Variants in SDK1 observed in about 807,000 individuals in gnomAD.
SDK1 encodes protein sidekick-1.
Under a neutral mutation model 245.5 loss-of-function variants are expected in SDK1, and 157 were observed. The ratio of observed to expected loss-of-function variants is 0.64; its 90% CI spans 0.56 to 0.73. The LOEUF (loss-of-function observed/expected upper bound fraction) is 0.73. Ranked by LOEUF, SDK1 falls within the 30% of genes least tolerant of loss-of-function variation. The pLI is 0.00. For missense variants in SDK1, 3,583 were observed against 3,002.3 expected (o/e 1.19, Z -4.52); for synonymous variants, 1,647 against 1,278.5 (o/e 1.29, Z -6.15).
chr7:4,110,756 C>T lies in SDK1; in HGVS notation c.3418C>T (p.Pro1140Ser). ...GATGCTGGAGATCCCAAACCTCACACCCTACACTCACTACAGGTGAGAACA... is the reference window on the plus strand; with the variant it reads ...GATGCTGGAGATCCCAAACCTCACATCCTACACTCACTACAGGTGAGAACA... ...AQMLEIPNLT[P>S]YTHYRFRMKQ... Residue 1140 changes from proline to serine, a missense_variant, in exon 23 of 45, where the codon CCC becomes TCC. Physicochemically the swap from Pro to Ser is moderately conservative, Grantham distance 74. Transcript: ENST00000404826. 2 of 1,611,360 alleles carry T rather than the reference C, an allele frequency of 1.2e-6. No individual in the cohort carries two copies. Among genetic ancestry groups the T allele is most frequent in the African/African-American group, 2.7e-5 (2 of 74,992 alleles).
intron 1 of SDK1, among the ~76,000 whole-genome samples, chr7:3,443,059 T>C (rs4096519): frequency 0.76 from 114,110 of 150,982 alleles, 43,402 homozygotes; most frequent in African/African-American, 0.83. Flanking sequence ...AATAAAAATC[T>C]AAGTGCTTTT....
At chr7:3,439,775 C>T (rs527725367) in intron 1 of SDK1, among the ~76,000 whole-genome samples, 4 of 152,164 alleles carry the variant, frequency 2.6e-5, no homozygotes, top group Admixed American at 6.5e-5. Flanking sequence ...AAGCCACCAG[C>T]TTTGTGGGAG....
chr7:4,011,212 C>T (rs1029479735), intron 15 of SDK1, 99 bp downstream of exon 15: 9 of 1,430,446 alleles, frequency 6.3e-6, no homozygotes, highest in South Asian at 5.1e-5. Flanking sequence ...CACAGCAACC[C>T]GCTGGCTTCC....
At chr7:3,604,428 C>A (rs141341955) in intron 1 of SDK1, among the ~76,000 whole-genome samples, 2 of 152,222 alleles carry the variant, frequency 1.3e-5, no homozygotes, top group Non-Finnish European at 2.9e-5. Flanking sequence ...TTATTGACTT[C>A]AGGCTTTCCC....
chr7:3,385,153 A>G (rs1781579199), intron 1 of SDK1, among the ~76,000 whole-genome samples: 1 of 152,074 alleles, frequency 6.6e-6, no homozygotes. Context: ...ACCACTTTCC[A>G]CTCACGTCAT....
At chr7:3,691,407 G>A (rs1362993692) in intron 4 of SDK1, among the ~76,000 whole-genome samples, 1 of 152,102 alleles carries the variant, frequency 6.6e-6, no homozygotes, top group Non-Finnish European at 1.5e-5. Flanking sequence ...GAAATACAAA[G>A]AAAAGAGTTG....
At chr7:3,851,172 T>G (rs1357828829) in intron 5 of SDK1, among the ~76,000 whole-genome samples, 2 of 152,224 alleles carry the variant, frequency 1.3e-5, no homozygotes, top group African/African-American at 4.8e-5. Context: ...ATCATTTTAT[T>G]AAAATTCACT....
chr7:3,489,728 A>G (rs1174743986), intron 1 of SDK1, among the ~76,000 whole-genome samples: 1 of 152,248 alleles, frequency 6.6e-6, no homozygotes, highest in East Asian at 1.9e-4. Context: ...AAGGCAACGT[A>G]TAAAAAATAA....
At chr7:3,713,058 G>A (rs7795719) in intron 4 of SDK1, among the ~76,000 whole-genome samples, 1 of 152,180 alleles carries the variant, frequency 6.6e-6, no homozygotes, top group African/African-American at 2.4e-5. Context: ...GGGCATGGCA[G>A]GGTGCCAGGA....
At chr7:3,301,947 G>T (rs1779276695) in intron 1 of SDK1, 63 bp downstream of exon 1, 3 of 1,065,928 alleles carry the variant, frequency 2.8e-6, no homozygotes, top group Non-Finnish European at 3.4e-6. Flanking sequence ...GCGAACTTGA[G>T]CAGCGAGAGT....
rs564796868 is a variant in SDK1, at chr7:4,142,940, C to T, written c.4229-2782C>T. Among the ~76,000 whole-genome samples, 16 of 152,360 alleles carry T rather than the reference C, an allele frequency of 1.1e-4. No homozygotes were observed. In the South Asian group the frequency reaches 2.5e-3, roughly 24 times the overall value. The stretch of plus-strand genomic sequence containing the variant: ...GATGCTTTTTCCAGGCAGAACACAG[C>T]CGCCCAGAGACCTCAGAATTAGGGT... On this transcript the variant is annotated intron_variant, in intron 28 of 44. Transcript: ENST00000404826.
intron 1 of SDK1, among the ~76,000 whole-genome samples, chr7:3,612,462 G>T (rs527531543): frequency 3.3e-4 from 50 of 152,158 alleles, no homozygotes; most frequent in African/African-American, 1.2e-3. Context: ...GCTTCAATAG[G>T]TATACATAAT....
At chr7:3,900,435 A>T (rs1355516447) in intron 5 of SDK1, among the ~76,000 whole-genome samples, 1 of 152,030 alleles carries the variant, frequency 6.6e-6, no homozygotes, top group East Asian at 1.9e-4. Flanking sequence ...ACACAACGTC[A>T]TTTTTTCCTG....
At chr7:3,509,350 C>A (rs1372343224) in intron 1 of SDK1, among the ~76,000 whole-genome samples, 1 of 152,074 alleles carries the variant, frequency 6.6e-6, no homozygotes, top group African/African-American at 2.4e-5. Context: ...GTTTGAATCC[C>A]AGCTCTGCCA....
chr7:3,426,874 C>A (rs1327526658), intron 1 of SDK1, among the ~76,000 whole-genome samples: 1 of 152,228 alleles, frequency 6.6e-6, no homozygotes, highest in Non-Finnish European at 1.5e-5. Flanking sequence ...TCATGGTTTT[C>A]TGTCATCCTT....
chr7:4,265,860 C>G lies in SDK1; in HGVS notation c.*476C>G. ...TCTCAACGCAGGACATCCTCGGCGGCTCCTGGGGTTTGAAGAGCAAACGTT... is the reference window on the plus strand; with the variant it reads ...TCTCAACGCAGGACATCCTCGGCGGGTCCTGGGGTTTGAAGAGCAAACGTT... On this transcript the variant is annotated 3_prime_UTR_variant, in exon 45 of 45. Coordinates refer to ENST00000404826, the MANE Select transcript of SDK1 (RefSeq NM_152744.4). 1.0e-6 allele frequency: 1 copy of G among 989,270 alleles called. No homozygotes were observed. The highest frequency in any genetic ancestry group is 4.7e-5 in the South Asian group (1 of 21,368). The allele number at this position is 989,270 out of a possible 1,614,324, so 61.3% of individuals were successfully genotyped here. A position where few individuals can be genotyped will look rare whatever the true frequency, so the allele number is the denominator to read the frequency against.
intron 5 of SDK1, among the ~76,000 whole-genome samples, chr7:3,934,417 T>C (rs1780087082): frequency 6.6e-6 from 1 of 152,246 alleles, no homozygotes; most frequent in Non-Finnish European, 1.5e-5. Flanking sequence ...AATCACAGGC[T>C]ATGCAAAGAA....
At position 3,880,543 on chromosome 7, in the gene SDK1, C is replaced by CTTT. The variant is rs5882008; in HGVS notation, c.847+58984_847+58986dup. On this transcript the variant is annotated intron_variant, in intron 5 of 44. Coordinates refer to ENST00000404826, the MANE Select transcript of SDK1 (RefSeq NM_152744.4). ...TGACATTTTAAAACAATGCCCTGGTCTTTTTTTTTTTTTTTTTTTTTTTTT... is the reference window on the plus strand; with the variant it reads ...TGACATTTTAAAACAATGCCCTGGTCTTTTTTTTTTTTTTTTTTTTTTTTTTTT... 1.4e-3 allele frequency among the ~76,000 whole-genome samples: 125 copies of CTTT among 92,038 alleles called. 4 individuals are homozygous for CTTT. The highest frequency in any genetic ancestry group is 4.0e-3 in the African/African-American group (99 of 24,500). The allele number at this position is 92,038 out of a possible 152,430, so 60.4% of individuals were successfully genotyped here. A position where few individuals can be genotyped will look rare whatever the true frequency, so the allele number is the denominator to read the frequency against.
intron 43 of SDK1, among the ~76,000 whole-genome samples, chr7:4,243,589 G>A (rs758295904): frequency 6.6e-6 from 1 of 152,216 alleles, no homozygotes; most frequent in Non-Finnish European, 1.5e-5. Context: ...GAGAGTTTGT[G>A]TAGGGAAACT....
Sources: allele counts gnomAD v4.1 joint callset (sites outside exome capture counted in the v4.1 genomes callset), GRCh38; gene constraint gnomAD v4.1.1; transcripts MANE v1.5; gene names NCBI Gene and HGNC (gene_info 2026-07-23, HGNC 2026-07-21).